CAST: variants seen among roughly 807,000 people sequenced by gnomAD.
CAST encodes calpastatin, also known as MIR583 host.
Under a neutral mutation model 119.6 loss-of-function variants are expected in CAST, and 76 were observed. The ratio of observed to expected loss-of-function variants is 0.64; its 90% CI spans 0.53 to 0.77. The LOEUF is 0.77. CAST is among the 30% of genes least tolerant of loss of function. The pLI is 0.00. For missense variants in CAST, 953 were observed against 946.5 expected (o/e 1.01, Z -0.09); for synonymous variants, 319 against 331.6 (o/e 0.96, Z 0.41).
the CAST span, chr5:95,973,030 T>A: frequency 6.6e-6 from 1 of 152,282 alleles, no homozygotes; most frequent in Non-Finnish European, 1.5e-5. Context: ...TCCAAAGTGA[T>A]GAAAGAATTT....
intron 9 of CAST, among the ~76,000 whole-genome samples, chr5:96,735,227 A>G (rs1761386792): frequency 6.6e-6 from 1 of 152,232 alleles, no homozygotes; most frequent in Non-Finnish European, 1.5e-5. Flanking sequence ...AGATTCACTT[A>G]TCTAATATCT....
the CAST span, among the ~76,000 whole-genome samples, chr5:96,511,146 A>G: frequency 7.9e-5 from 12 of 152,164 alleles, no homozygotes; most frequent in Non-Finnish European, 1.3e-4. Context: ...CAAAGACTAT[A>G]TTCTTTATTT....
At chr5:96,622,085 T>G (rs958348999) in intron 1 of CAST, among the ~76,000 whole-genome samples, 5 of 147,934 alleles carry the variant, frequency 3.4e-5, no homozygotes, top group African/African-American at 1.0e-4. Flanking sequence ...TTCTTCTGCC[T>G]CAGCCTCCTG....
the CAST span, among the ~76,000 whole-genome samples, chr5:96,436,055 A>G: frequency 3.9e-5 from 6 of 152,256 alleles, no homozygotes; most frequent in Admixed American, 2.0e-4. Context: ...AGAGATGTTA[A>G]AGAATGGGTA....
the CAST span, among the ~76,000 whole-genome samples, chr5:96,245,815 G>A: frequency 6.6e-6 from 1 of 152,068 alleles, no homozygotes; most frequent in African/African-American, 2.4e-5. Context: ...GGGGACTTAC[G>A]GCAAATGTTA....
the CAST span, among the ~76,000 whole-genome samples, chr5:96,159,959 G>C: frequency 8.2e-6 from 1 of 122,664 alleles, no homozygotes; most frequent in African/African-American, 3.2e-5. Flanking sequence ...GATGAAACCT[G>C]TCTCTACTAA....
chr5:96,599,677 A>G (rs1423592046), intron 1 of CAST, among the ~76,000 whole-genome samples: 1 of 152,158 alleles, frequency 6.6e-6, no homozygotes, highest in African/African-American at 2.4e-5. Context: ...ATGTTTGCAG[A>G]GACTGGAAAT....
the CAST span, among the ~76,000 whole-genome samples, chr5:96,117,945 A>G: frequency 2.0e-5 from 3 of 152,224 alleles, no homozygotes; most frequent in Non-Finnish European, 2.9e-5. Context: ...CAAAATGCCT[A>G]CAAAAAGTTC....
At chr5:96,463,803 C>T in the CAST span, among the ~76,000 whole-genome samples, 1 of 152,066 alleles carries the variant, frequency 6.6e-6, no homozygotes, top group Non-Finnish European at 1.5e-5. Flanking sequence ...ACTAAACTCT[C>T]CTTCTCTTCC....
At chr5:96,733,060 T>C (rs1461004878) in intron 9 of CAST, among the ~76,000 whole-genome samples, 1 of 152,232 alleles carries the variant, frequency 6.6e-6, no homozygotes, top group Non-Finnish European at 1.5e-5. Context: ...ATCATTTTTT[T>C]CCTTCTGGGA....
chr5:96,561,796 G>GTTTTTGTTTTTTTTTTTT (rs1746370693), intron 1 of CAST, among the ~76,000 whole-genome samples: 2 of 97,422 alleles, frequency 2.1e-5, no homozygotes, highest in African/African-American at 7.7e-5. Context: ...GTTTTTTTTT[G>GTTTTTGTTTTTTTTTTTT]TTTTTTTTTT....
chr5:96,133,264 CT>C, the CAST span, among the ~76,000 whole-genome samples: 1 of 151,774 alleles, frequency 6.6e-6, no homozygotes, highest in African/African-American at 2.4e-5. Flanking sequence ...ACTTTTGGTT[CT>C]GGTCATAGAC....
intron 1 of CAST, among the ~76,000 whole-genome samples, chr5:96,592,027 G>C (rs1484105269): frequency 6.6e-6 from 1 of 152,188 alleles, no homozygotes; most frequent in Non-Finnish European, 1.5e-5. Flanking sequence ...CCAAATTAGA[G>C]TAGACATTTC....
the CAST span, among the ~76,000 whole-genome samples, chr5:96,143,591 GAT>G: frequency 1.1e-4 from 16 of 152,240 alleles, no homozygotes; most frequent in African/African-American, 3.9e-4. Flanking sequence ...CTGCCTGCTA[GAT>G]ATATGTTTAT....
intron 1 of CAST, among the ~76,000 whole-genome samples, chr5:96,587,635 A>G (rs2150190772): frequency 6.6e-6 from 1 of 152,350 alleles, no homozygotes; most frequent in Non-Finnish European, 1.5e-5. Flanking sequence ...GAACATACTT[A>G]ATCATGAAAA....
At chr5:96,629,456 G>T (rs899120857) in intron 1 of CAST, among the ~76,000 whole-genome samples, 2 of 151,568 alleles carry the variant, frequency 1.3e-5, no homozygotes, top group African/African-American at 4.9e-5. Context: ...CCTCCATTTT[G>T]GTTCAGTTTC....
the CAST span, among the ~76,000 whole-genome samples, chr5:96,161,443 TAA>T: frequency 2.6e-5 from 4 of 152,278 alleles, no homozygotes; most frequent in Middle Eastern, 3.4e-3. Context: ...TAACCAACCA[TAA>T]AAAAATGATT....
the CAST span, among the ~76,000 whole-genome samples, chr5:96,285,996 G>A: frequency 6.6e-6 from 1 of 152,182 alleles, no homozygotes; most frequent in Admixed American, 6.5e-5. Context: ...GGACACAATT[G>A]AATTACAAAG....
At chr5:96,632,613 G>A (rs1427944632) in intron 1 of CAST, among the ~76,000 whole-genome samples, 1 of 151,342 alleles carries the variant, frequency 6.6e-6, no homozygotes, top group Non-Finnish European at 1.5e-5. Context: ...TTTATATACA[G>A]GGTGAGAACA....
Sources: allele counts gnomAD v4.1 joint callset (sites outside exome capture counted in the v4.1 genomes callset), GRCh38; gene constraint gnomAD v4.1.1; transcripts MANE v1.5; gene names NCBI Gene and HGNC (gene_info 2026-07-23, HGNC 2026-07-21).